The following CACHD1 variants were observed in gnomAD, a reference collection of about 807,000 sequenced individuals.
The protein encoded by CACHD1 is VWFA and cache domain-containing protein 1.
Under a neutral mutation model 138.7 loss-of-function variants are expected in CACHD1, and 71 were observed. The ratio of observed to expected loss-of-function variants is 0.51; its 90% CI spans 0.42 to 0.62. The LOEUF is 0.62. Ranked by LOEUF, CACHD1 falls within the 20% of genes least tolerant of loss-of-function variation. The pLI is 0.00. For missense variants in CACHD1, 1,389 were observed against 1,625.3 expected (o/e 0.85, Z 2.50); for synonymous variants, 578 against 591.5 (o/e 0.98, Z 0.33).
intron 8 of CACHD1, among the ~76,000 whole-genome samples, chr1:64,642,347 C>T (rs927570990): frequency 2.6e-5 from 4 of 152,184 alleles, no homozygotes; most frequent in Non-Finnish European, 4.4e-5. Context: ...GATTCTTCTG[C>T]ACAACCCAAT....
chr1:64,663,845 T>C lies in CACHD1; in HGVS notation c.2094+8T>C, dbSNP rs1356259665. 7 of 1,614,100 alleles carry C rather than the reference T, an allele frequency of 4.3e-6. No homozygotes were observed. The highest frequency in any genetic ancestry group is 1.3e-5 in the African/African-American group (1 of 75,048). On this transcript the variant is annotated splice_region_variant and intron_variant, in intron 14 of 26. Coordinates refer to ENST00000651257, the MANE Select transcript of CACHD1 (RefSeq NM_020925.4). The stretch of plus-strand genomic sequence containing the variant: ...GCTAACCCGGGCCTCAAAGTAAGCA[T>C]TGGCGCAGAGCTCCATTTCTGGTGT...
At chr1:64,554,563 G>A (rs1348362326) in intron 2 of CACHD1, among the ~76,000 whole-genome samples, 2 of 152,208 alleles carry the variant, frequency 1.3e-5, no homozygotes, top group Non-Finnish European at 2.9e-5. Flanking sequence ...TGGGGTGTCT[G>A]AAATGGTATC....
Position 64,676,995 on chromosome 1 carries a change from C to T in CACHD1, c.3076C>T (p.Gln1026Ter). The change falls in exon 22 of 27, where the codon CAG (glutamine) becomes TAG (stop). Residue 1026 changes from glutamine to a stop codon, truncating the protein, a stop_gained. Coordinates refer to ENST00000651257, the MANE Select transcript of CACHD1 (RefSeq NM_020925.4). LOFTEE classifies it high-confidence loss of function. ...LHQCVNSRCS[Q>*]RLESGDCFGV... is the part of the protein sequence containing the mutation. ...CCAGTGTGTCAACAGCAGGTGCAGTCAGAGGCTGGAAAGTGGGTAAGCAGA... is the reference window on the plus strand; with the variant it reads ...CCAGTGTGTCAACAGCAGGTGCAGTTAGAGGCTGGAAAGTGGGTAAGCAGA... 2 of 1,613,286 alleles carry T rather than the reference C, an allele frequency of 1.2e-6. No homozygotes were observed. Among genetic ancestry groups the T allele is most frequent in the Non-Finnish European group, 1.7e-6 (2 of 1,179,460 alleles).
chr1:64,662,604 A>T (rs1264101475), intron 13 of CACHD1, among the ~76,000 whole-genome samples: 1 of 152,210 alleles, frequency 6.6e-6, no homozygotes, highest in African/African-American at 2.4e-5. Context: ...AAGATGCCCT[A>T]TGTGATTAAA....
chr1:64,528,748 CA>C (rs1473501671), intron 1 of CACHD1, among the ~76,000 whole-genome samples: 1 of 151,920 alleles, frequency 6.6e-6, no homozygotes, highest in African/African-American at 2.4e-5. Context: ...GTATTATAAA[CA>C]TTTTTTTTTG....
At chr1:64,576,031 G>C (rs2100522742) in intron 2 of CACHD1, among the ~76,000 whole-genome samples, 1 of 152,248 alleles carries the variant, frequency 6.6e-6, no homozygotes, top group East Asian at 1.9e-4. Context: ...GTTCCCATGG[G>C]GACCGCACGC....
At chr1:64,622,462 A>G (rs1647949313) in intron 4 of CACHD1, among the ~76,000 whole-genome samples, 1 of 152,210 alleles carries the variant, frequency 6.6e-6, no homozygotes. Context: ...TTATGAAATC[A>G]TTTCGTTTTG....
intron 8 of CACHD1, among the ~76,000 whole-genome samples, chr1:64,645,158 A>C (rs541341298): frequency 5.6e-4 from 85 of 152,286 alleles, no homozygotes; most frequent in African/African-American, 2.0e-3. Context: ...AGGGTACCAG[A>C]GAAGTTGGGG....
At chr1:64,644,586 T>G (rs1432505082) in intron 8 of CACHD1, among the ~76,000 whole-genome samples, 2 of 152,202 alleles carry the variant, frequency 1.3e-5, no homozygotes, top group Non-Finnish European at 2.9e-5. Context: ...ATTCCGTACT[T>G]TAGAGTCTCT....
chr1:64,675,502 C>T lies in CACHD1; in HGVS notation c.2829C>T (p.Cys943=), dbSNP rs143046686. The change falls in exon 20 of 27, where the codon TGC becomes TGT. Residue 943 remains cysteine, a synonymous_variant. Coordinates refer to ENST00000651257, the MANE Select transcript of CACHD1 (RefSeq NM_020925.4). ...TTGTTGGCATTGTCAACGAAACCTGCGACTCTCTTGCCTTCTGTGCCTGCA... is the reference window on the plus strand; with the variant it reads ...TTGTTGGCATTGTCAACGAAACCTGTGACTCTCTTGCCTTCTGTGCCTGCA... ...NAFVGIVNET[C]DSLAFCACSM... 4.1e-4 allele frequency: 657 copies of T among 1,613,470 alleles called. 4 individuals carry two copies. Among genetic ancestry groups the T allele is most frequent in the Admixed American group, 4.3e-4 (26 of 60,020 alleles).
At chr1:64,674,168 T>G (rs1267184612) in intron 19 of CACHD1, among the ~76,000 whole-genome samples, 2 of 152,212 alleles carry the variant, frequency 1.3e-5, no homozygotes, top group Non-Finnish European at 2.9e-5. Context: ...TTAAAAATCC[T>G]AAACTGAGTC....
intron 10 of CACHD1, among the ~76,000 whole-genome samples, chr1:64,652,862 C>T (rs1649139802): frequency 6.6e-6 from 1 of 152,160 alleles, no homozygotes. Context: ...GAAAACAGAA[C>T]TACCATTTGA....
chr1:64,483,329 A>C (rs1366194655), intron 1 of CACHD1, among the ~76,000 whole-genome samples: 1 of 152,180 alleles, frequency 6.6e-6, no homozygotes, highest in Non-Finnish European at 1.5e-5. Context: ...GTTAGACTTC[A>C]TTAGTTAATT....
At chr1:64,530,156 A>G (rs913921533) in intron 1 of CACHD1, among the ~76,000 whole-genome samples, 4 of 152,184 alleles carry the variant, frequency 2.6e-5, no homozygotes, top group African/African-American at 9.6e-5. Flanking sequence ...TTTGCCCTAT[A>G]GTTTAATTGG....
chr1:64,536,398 T>A (rs1223462815), intron 1 of CACHD1, among the ~76,000 whole-genome samples: 3 of 152,152 alleles, frequency 2.0e-5, no homozygotes, highest in African/African-American at 7.2e-5. Flanking sequence ...ATTTACTTGG[T>A]GGGGAGAATA....
chr1:64,669,661 T>G (rs1353003147), intron 16 of CACHD1, among the ~76,000 whole-genome samples: 1 of 151,670 alleles, frequency 6.6e-6, no homozygotes, highest in Non-Finnish European at 1.5e-5. Context: ...CAGCCTGGTC[T>G]GTTGTACTTA....
chr1:64,476,529 A>G (rs554364030), intron 1 of CACHD1, among the ~76,000 whole-genome samples: 184 of 152,378 alleles, frequency 1.2e-3, no homozygotes, highest in African/African-American at 4.4e-3. Flanking sequence ...CTTGTGTACC[A>G]TATAAGCCTT....
At chr1:64,551,261 A>T (rs1646756976) in intron 2 of CACHD1, among the ~76,000 whole-genome samples, 1 of 145,732 alleles carries the variant, frequency 6.9e-6, no homozygotes, top group African/African-American at 2.5e-5. Flanking sequence ...ATCTTCTTTC[A>T]GTTCTCTGTG....
At chr1:64,473,449 A>G (rs1371369422) in intron 1 of CACHD1, among the ~76,000 whole-genome samples, 1 of 152,096 alleles carries the variant, frequency 6.6e-6, no homozygotes, top group Admixed American at 6.5e-5. Flanking sequence ...TAGTTACCTA[A>G]AGTGTAGGTT....
Sources: gnomAD v4.1 joint callset for allele counts (sites outside exome capture counted in the v4.1 genomes callset) on GRCh38, gnomAD v4.1.1 for gene constraint, MANE v1.5 for transcripts, NCBI Gene and HGNC (gene_info 2026-07-23, HGNC 2026-07-21) for gene names.